Variants in PTGER4 observed in about 807,000 individuals in gnomAD.
The protein encoded by PTGER4 is prostaglandin E receptor 4, also known as prostaglandin E2 receptor EP4 subtype.
In PTGER4, 11 loss-of-function variants were observed where a neutral mutation model predicts 33.2. That is an observed-to-expected ratio of 0.33 (90% confidence interval 0.21 to 0.55). PTGER4 has a LOEUF of 0.55. Among genes scored for constraint, PTGER4 ranks in the 20% least tolerant of loss-of-function variants. The pLI is 0.92. For missense variants in PTGER4, 481 were observed against 650.2 expected (o/e 0.74, Z 2.83); for synonymous variants, 275 against 281.5 (o/e 0.98, Z 0.23).
At chr5:40,716,355 T>A in the PTGER4 span, 9 of 1,614,098 alleles carry the variant, frequency 5.6e-6, no homozygotes, top group African/African-American at 9.3e-5. Context: ...AAAAGTGTGT[T>A]ACTTCAGCTG....
chr5:40,692,044 G>A lies in PTGER4; in HGVS notation c.1133G>A (p.Arg378His), dbSNP rs1012563788. ...TCTTCTGCCATGTCAGGCCACTCTC[G>A]CTCCTTCATCTCCCGGGAGCTGAAG... is the stretch of plus-strand genomic sequence containing the variant. ...RTSSAMSGHS[R>H]SFISRELKEI... Residue 378 changes from arginine (R) to histidine (H), a missense_variant, in exon 3 of 3, where the codon CGC becomes CAC. Arg to His is a conservative substitution (Grantham distance 29). This residue lies in a region of PTGER4 where 172 missense variants were observed against 199.2 expected (regional missense o/e 0.86). Transcript: ENST00000302472. 3.0e-5 allele frequency: 48 copies of A among 1,614,048 alleles called. No individual in the cohort carries two copies. Among genetic ancestry groups the A allele is most frequent in the South Asian group, 6.6e-5 (6 of 91,094 alleles).
At chr5:40,706,963 C>A in the PTGER4 span, among the ~76,000 whole-genome samples, 4 of 152,078 alleles carry the variant, frequency 2.6e-5, no homozygotes. Context: ...AAAATCCTTT[C>A]CAGACAAACA....
the PTGER4 span, among the ~76,000 whole-genome samples, chr5:40,702,554 C>A: frequency 2.0e-5 from 3 of 152,268 alleles, no homozygotes; most frequent in Admixed American, 6.5e-5. Context: ...AGATTCCAGA[C>A]AATAATAGTG....
chr5:40,696,968 AAGAG>A (rs145461385), downstream of PTGER4, among the ~76,000 whole-genome samples: 2 of 104,602 alleles, frequency 1.9e-5, no homozygotes, highest in East Asian at 4.4e-4. Flanking sequence ...GAGAGAAAGA[AAGAG>A]AGAGAGAGAA....
the PTGER4 span, among the ~76,000 whole-genome samples, chr5:40,722,574 G>C: frequency 6.6e-6 from 1 of 152,064 alleles, no homozygotes; most frequent in African/African-American, 2.4e-5. Context: ...TCTGGGAACT[G>C]AGGAGCGTCT....
chr5:40,685,829 A>G (rs1435868006), intron 2 of PTGER4, among the ~76,000 whole-genome samples: 2 of 152,098 alleles, frequency 1.3e-5, no homozygotes, highest in South Asian at 4.1e-4. Context: ...TGCTTTCTTG[A>G]CCTGTCAATT....
At chr5:40,728,239 G>A in the PTGER4 span, 6 of 879,026 alleles carry the variant, frequency 6.8e-6, no homozygotes, top group Admixed American at 4.2e-5. Flanking sequence ...AGCTGAGATT[G>A]CACCACTGCA....
downstream of PTGER4, among the ~76,000 whole-genome samples, chr5:40,698,092 C>CAAAAAAAAAAAAAA (rs1156254550): frequency 2.5e-4 from 10 of 40,056 alleles, no homozygotes; most frequent in Admixed American, 4.7e-4. Flanking sequence ...CCTGTCTCTA[C>CAAAAAAAAAAAAAA]AAAAAAAAAA....
chr5:40,712,157 A>G, the PTGER4 span, among the ~76,000 whole-genome samples: 1 of 152,154 alleles, frequency 6.6e-6, no homozygotes, highest in Non-Finnish European at 1.5e-5. Context: ...ATCTAGAGTC[A>G]ACAATGTGGT....
chr5:40,724,910 T>C, the PTGER4 span, among the ~76,000 whole-genome samples: 1 of 150,626 alleles, frequency 6.6e-6, no homozygotes, highest in African/African-American at 2.4e-5. Flanking sequence ...TGGAGTGCAG[T>C]GGTGCGATCT....
the PTGER4 span, among the ~76,000 whole-genome samples, chr5:40,718,570 T>C: frequency 6.6e-6 from 1 of 151,924 alleles, no homozygotes; most frequent in African/African-American, 2.4e-5. Context: ...TGAAACCCTG[T>C]CTCTACTAAA....
At chr5:40,686,720 A>G (rs1203731040) in intron 2 of PTGER4, among the ~76,000 whole-genome samples, 1 of 152,166 alleles carries the variant, frequency 6.6e-6, no homozygotes, top group East Asian at 1.9e-4. Flanking sequence ...ATCCTAAAAA[A>G]AAGTGTGAAT....
chr5:40,728,585 G>T, the PTGER4 span: 1 of 1,061,218 alleles, frequency 9.4e-7, no homozygotes. Flanking sequence ...AGTAAAAATA[G>T]CATTTCGGTG....
chr5:40,681,005 C>G lies in PTGER4; in HGVS notation c.12C>G (p.Pro4=). 6.2e-7 allele frequency: 1 copy of G among 1,611,704 alleles called. No individual in the cohort carries two copies. The highest frequency in any genetic ancestry group is 8.5e-7 in the Non-Finnish European group (1 of 1,178,792). The part of the protein sequence containing the change: MST[P]GVNSSASLSP... ...CGCCAGCCACTATCATGTCCACTCC[C>G]GGGGTCAATTCGTCCGCCTCCTTGA... is the stretch of plus-strand genomic sequence containing the variant. Residue 4 remains proline (P), a synonymous_variant, in exon 2 of 3, where the codon CCC becomes CCG. Transcript: ENST00000302472. The surrounding 1 kb of genome is among the most constrained non-coding windows in gnomAD (Gnocchi z 9.8).
At chr5:40,730,084 G>GA in the PTGER4 span, among the ~76,000 whole-genome samples, 1 of 152,136 alleles carries the variant, frequency 6.6e-6, no homozygotes, top group Non-Finnish European at 1.5e-5. Flanking sequence ...AAAGGCAAAT[G>GA]AATTTCCAGT....
chr5:40,698,514 A>G (rs555989318), downstream of PTGER4, among the ~76,000 whole-genome samples: 1 of 152,356 alleles, frequency 6.6e-6, no homozygotes, highest in East Asian at 1.9e-4. Context: ...CAAAATATGT[A>G]AAGTATGAAA....
At chr5:40,739,483 T>C in the PTGER4 span, among the ~76,000 whole-genome samples, 5 of 152,144 alleles carry the variant, frequency 3.3e-5, no homozygotes, top group African/African-American at 1.2e-4. Context: ...GATTGGATCA[T>C]GGGGGCAGGT....
the PTGER4 span, among the ~76,000 whole-genome samples, chr5:40,745,566 C>A: frequency 1.6e-4 from 25 of 151,746 alleles, no homozygotes; most frequent in South Asian, 5.2e-3. Context: ...ACTCTGTCAC[C>A]CAAGCTGGAA....
the PTGER4 span, among the ~76,000 whole-genome samples, chr5:40,737,822 A>C: frequency 6.6e-6 from 1 of 152,216 alleles, no homozygotes; most frequent in Admixed American, 6.5e-5. Context: ...CAGATTTATA[A>C]AATTGGAATC....
Sources: allele counts gnomAD v4.1 joint callset (sites outside exome capture counted in the v4.1 genomes callset), GRCh38; gene constraint gnomAD v4.1.1; regional missense constraint gnomAD v4.1.1; non-coding constraint Gnocchi (gnomAD v3.1); transcripts MANE v1.5; gene names NCBI Gene and HGNC (gene_info 2026-07-23, HGNC 2026-07-21).